RALB: variants seen among roughly 807,000 people sequenced by gnomAD.
The protein encoded by RALB is ras-related protein Ral-B.
Under a neutral mutation model 21.3 loss-of-function variants are expected in RALB, and 16 were observed. That is an observed-to-expected ratio of 0.75 (90% CI 0.51 to 1.14). The LOEUF is 1.14. Among genes scored for constraint, RALB ranks in the 50% most tolerant of loss-of-function variants. The pLI is 0.00. For missense variants in RALB, 161 were observed against 256.2 expected (o/e 0.63, Z 2.54); for synonymous variants, 93 against 96.1 (o/e 0.97, Z 0.19).
At chr2:120,245,266 G>C (rs1037860905) in intron 1 of RALB, among the ~76,000 whole-genome samples, 6 of 152,226 alleles carry the variant, frequency 3.9e-5, no homozygotes, top group African/African-American at 1.4e-4. Flanking sequence ...TGGTTGTCAG[G>C]CATTCTTGCT....
intron 1 of RALB, among the ~76,000 whole-genome samples, chr2:120,241,152 C>T (rs1230575282): frequency 1.3e-5 from 2 of 152,178 alleles, no homozygotes; most frequent in Admixed American, 6.5e-5. Flanking sequence ...TGTCTGGGCC[C>T]CTGCCTCCCA....
chr2:120,243,914 C>T (rs1464245014), intron 1 of RALB, among the ~76,000 whole-genome samples: 2 of 152,224 alleles, frequency 1.3e-5, no homozygotes, highest in South Asian at 4.1e-4. Context: ...AGTCTGTTCT[C>T]ACACTACTAT....
chr2:120,281,414 G>A (rs1050094926), intron 2 of RALB, among the ~76,000 whole-genome samples: 1 of 152,178 alleles, frequency 6.6e-6, no homozygotes, highest in African/African-American at 2.4e-5. Flanking sequence ...GAGATCGCTG[G>A]AGTACTCATC....
chr2:120,278,037 G>C (rs1352434513), intron 1 of RALB, among the ~76,000 whole-genome samples: 1 of 20,184 alleles, frequency 5.0e-5, no homozygotes, highest in African/African-American at 2.3e-4. Context: ...ATGTGAGAGC[G>C]TGAGTGTGTG....
At position 120,278,623 on chromosome 2, in the gene RALB, C is replaced by T. The variant is rs748560275; in HGVS notation, c.-42C>T. 6.6e-6 allele frequency: 10 copies of T among 1,523,586 alleles called. No homozygotes were observed. The East Asian group carries it at 2.5e-4, about 38-fold the overall frequency. 94.4% of individuals were successfully genotyped at this position (1,523,586 alleles called of 1,614,324 possible). A position where few individuals can be genotyped will look rare whatever the true frequency, so the allele number is the denominator to read the frequency against. On this transcript the variant is annotated 5_prime_UTR_variant, in exon 2 of 5. Coordinates refer to ENST00000272519, the MANE Select transcript of RALB (RefSeq NM_002881.3). ...TTTGTCTTTGTCATCAGCAGCTCTT[C>T]AGTGGGTCATCTGTGTGTCACAGCC...
At chr2:120,261,045 A>G (rs1184219873) in intron 1 of RALB, among the ~76,000 whole-genome samples, 3 of 152,208 alleles carry the variant, frequency 2.0e-5, no homozygotes, top group Non-Finnish European at 2.9e-5. Context: ...GACCTACTGA[A>G]TCAGAATATG....
intron 1 of RALB, among the ~76,000 whole-genome samples, chr2:120,268,004 A>C (rs1475719963): frequency 2.0e-5 from 3 of 152,026 alleles, no homozygotes; most frequent in Non-Finnish European, 2.9e-5. Flanking sequence ...GTGGGCCGGG[A>C]TGGTCTTGAG....
intron 1 of RALB, among the ~76,000 whole-genome samples, chr2:120,271,062 A>G: frequency 6.6e-6 from 1 of 152,186 alleles, no homozygotes; most frequent in East Asian, 1.9e-4. Flanking sequence ...CTAGGTTTTC[A>G]GATTCTCATT....
At chr2:120,259,566 C>G (rs375099505) in intron 1 of RALB, among the ~76,000 whole-genome samples, 1 of 152,132 alleles carries the variant, frequency 6.6e-6, no homozygotes, top group Admixed American at 6.5e-5. Context: ...TACAGAGTGT[C>G]GATTGGTGCA....
chr2:120,289,710 GT>G lies in RALB; in HGVS notation c.455del (p.Val152GlyfsTer21). ...EARSKAEEWGVQYVETSAKTR... is the reference protein window; with the variant it reads ...EARSKAEEWGXQYVETSAKTR... ...CAGGAGTAAAGCCGAAGAGTGGGGCGTGCAGTACGTGGAGACGTCAGCGAAG... is the reference window on the plus strand; with the variant it reads ...CAGGAGTAAAGCCGAAGAGTGGGGCGGCAGTACGTGGAGACGTCAGCGAAG... On this transcript the variant is annotated frameshift_variant, in exon 4 of 5. Transcript: ENST00000272519. LOFTEE classifies it high-confidence loss of function. 6.2e-7 allele frequency: 1 copy of G among 1,614,094 alleles called. No homozygotes were observed. The highest frequency in any genetic ancestry group is 8.5e-7 in the Non-Finnish European group (1 of 1,180,008).
intron 1 of RALB, among the ~76,000 whole-genome samples, chr2:120,246,205 G>C (rs1317051456): frequency 6.6e-6 from 1 of 152,262 alleles, no homozygotes; most frequent in African/African-American, 2.4e-5. Context: ...CAGAGTGACA[G>C]AGGCTGCATG....
At chr2:120,255,025 A>G (rs1689163626) in intron 1 of RALB, among the ~76,000 whole-genome samples, 1 of 152,210 alleles carries the variant, frequency 6.6e-6, no homozygotes. Flanking sequence ...GCCTCTTTGC[A>G]TTTAGTTGCT....
Position 120,286,014 on chromosome 2 carries a change from T to A in RALB, c.255T>A (p.Ser85Arg). ...YAAIRDNYFR[S>R]GEGFLLVFSI... ...CCATTCGAGATAACTACTTTCGGAG[T>A]GGGGAAGGGTTTCTTCTTGTGTTCT... The change falls in exon 3 of 5, where the codon AGT becomes AGA. Residue 85 changes from serine to arginine, a missense_variant. Coordinates refer to ENST00000272519, the MANE Select transcript of RALB (RefSeq NM_002881.3). The A allele has an allele frequency of 6.2e-7, 1 of 1,613,202 alleles. No homozygotes were observed. Among genetic ancestry groups the A allele is most frequent in the Non-Finnish European group, 8.5e-7 (1 of 1,179,836 alleles).
intron 2 of RALB, chr2:120,280,976 G>A (rs1319999218): frequency 5.7e-6 from 2 of 348,120 alleles, no homozygotes; most frequent in Non-Finnish European, 1.1e-5. Flanking sequence ...AGTGCTGTTT[G>A]TATTAGTTTT....
At chr2:120,265,520 A>G (rs1689480406) in intron 1 of RALB, among the ~76,000 whole-genome samples, 1 of 152,120 alleles carries the variant, frequency 6.6e-6, no homozygotes, top group South Asian at 2.1e-4. Flanking sequence ...TTGCCTGCCT[A>G]TGCATTTTTC....
chr2:120,253,485 G>C, intron 1 of RALB: 1 of 985,814 alleles, frequency 1.0e-6, no homozygotes. Flanking sequence ...GCATAAAGTT[G>C]TTTCTCCCCC....
chr2:120,281,009 C>T (rs1190213108), intron 2 of RALB: 1 of 313,254 alleles, frequency 3.2e-6, no homozygotes, highest in Non-Finnish European at 6.2e-6. Flanking sequence ...ATAATAATCA[C>T]AAAGTTAGCA....
Position 120,289,749 on chromosome 2 carries a change from G to A in RALB, c.493G>A (p.Val165Met), listed in dbSNP as rs760095690. ...VETSAKTRAN[V>M]DKVFFDLMRE... ...GACGTCAGCGAAGACCCGGGCCAAC[G>A]TGGACAAGGTAGGCGTGAATTCTGT... The change falls in exon 4 of 5, where the codon GTG becomes ATG. Residue 165 changes from valine to methionine, a missense_variant. Val to Met is a conservative substitution (Grantham distance 21). Coordinates refer to ENST00000272519, the MANE Select transcript of RALB (RefSeq NM_002881.3). 2.5e-6 allele frequency: 4 copies of A among 1,605,862 alleles called. No homozygotes were observed. Among genetic ancestry groups the A allele is most frequent in the South Asian group, 1.1e-5 (1 of 90,102 alleles).
At chr2:120,240,293 A>ATTTTTT (rs927455328) in intron 1 of RALB, among the ~76,000 whole-genome samples, 1 of 133,958 alleles carries the variant, frequency 7.5e-6, no homozygotes, top group Non-Finnish European at 1.6e-5. Context: ...TTTTATTTTT[A>ATTTTTT]TTTTTTTTTG....
Sources: allele counts gnomAD v4.1 joint callset (sites outside exome capture counted in the v4.1 genomes callset), GRCh38; gene constraint gnomAD v4.1.1; transcripts MANE v1.5; gene names NCBI Gene and HGNC (gene_info 2026-07-23, HGNC 2026-07-21).